The following SLC16A4 variants were observed in gnomAD, a reference collection of about 807,000 sequenced individuals.
The protein encoded by SLC16A4 is probable monocarboxylate transporter 5.
Under a neutral mutation model 47.9 loss-of-function variants are expected in SLC16A4, and 39 were observed. The observed-to-expected ratio is 0.81, with a 90% CI of 0.63 to 1.06. The LOEUF (loss-of-function observed/expected upper bound fraction) is 1.06. Ranked by LOEUF, SLC16A4 falls within the 50% of genes least tolerant of loss-of-function variation. The probability of loss-of-function intolerance (pLI) is 0.00; values close to 1 mark genes in which losing one functional copy is unlikely to be tolerated. For synonymous variants in SLC16A4, 189 were observed against 199.9 expected, an observed-to-expected ratio of 0.95 and a Z score of 0.46; for missense variants, 524 against 573.8, an observed-to-expected ratio of 0.91 and a Z score of 0.89.
chr1:110,371,240 G>T (rs1367089597), intron 8 of SLC16A4: 5 of 152,188 alleles, frequency 3.3e-5, no homozygotes, highest in Non-Finnish European at 7.3e-5. Flanking sequence ...TTAAATAAAT[G>T]ATTATATATG....
At chr1:110,369,808 G>A (rs1661592785) in intron 8 of SLC16A4, among the ~76,000 whole-genome samples, 1 of 152,116 alleles carries the variant, frequency 6.6e-6, no homozygotes, top group Admixed American at 6.6e-5. Flanking sequence ...TGGCAATCTT[G>A]TTCTTTTACT....
chr1:110,386,749 C>T (rs1662756814), intron 2 of SLC16A4, among the ~76,000 whole-genome samples: 1 of 152,158 alleles, frequency 6.6e-6, no homozygotes, highest in African/African-American at 2.4e-5. Context: ...CTAGTATCAC[C>T]CTAGCTCCTC....
chr1:110,362,969 C>A lies in SLC16A4; in HGVS notation c.*797G>T, dbSNP rs1273883066. 6.6e-6 allele frequency: 1 copy of A among 151,994 alleles called. No homozygotes were observed. The highest frequency in any genetic ancestry group is 2.4e-5 in the African/African-American group (1 of 41,384). The allele number at this position is 151,994 out of a possible 1,614,324, so 9.4% of individuals were successfully genotyped here. A position where few individuals can be genotyped will look rare whatever the true frequency, so the allele number is the denominator to read the frequency against. ...CCTTTAATTAAGAACCTAAGTAATA[C>A]AAAGAAAGTAAGGATTACCTTTAAT... On this transcript the variant is annotated 3_prime_UTR_variant, in exon 9 of 9. Transcript: ENST00000369779.
At position 110,379,057 on chromosome 1, in the gene SLC16A4, C is replaced by T; in HGVS notation, c.826G>A (p.Asp276Asn). 6.2e-7 allele frequency: 1 copy of T among 1,614,216 alleles called. No individual in the cohort carries two copies. Among genetic ancestry groups the T allele is most frequent in the South Asian group, 1.1e-5 (1 of 91,088 alleles). ...GAAATAACCTTATCACTTTCTTCATCACTCTTTAATAACAGTCTGTTCCTG... is the reference window on the plus strand; with the variant it reads ...GAAATAACCTTATCACTTTCTTCATTACTCTTTAATAACAGTCTGTTCCTG... ...PNRNRLLLKSDEESDKVISWS... is the reference protein window; with the variant it reads ...PNRNRLLLKSNEESDKVISWS... The change falls in exon 6 of 9, where the codon GAT (aspartate) becomes AAT (asparagine). Residue 276 changes from aspartate to asparagine, a missense_variant. Asp to Asn is a conservative substitution (Grantham distance 23, BLOSUM62 1). Transcript: ENST00000369779.
chr1:110,382,472 A>T (rs1662461429), intron 3 of SLC16A4, among the ~76,000 whole-genome samples: 1 of 151,972 alleles, frequency 6.6e-6, no homozygotes, highest in African/African-American at 2.4e-5. Context: ...AAAAAAAAAT[A>T]AATAAAATTG....
chr1:110,369,755 T>G (rs554812363), intron 8 of SLC16A4, among the ~76,000 whole-genome samples: 45 of 152,298 alleles, frequency 3.0e-4, no homozygotes, highest in Middle Eastern at 3.4e-3. Flanking sequence ...CAAAGACAAT[T>G]TTCCTCTCAT....
rs1661155836 is a variant in SLC16A4 at position 110,362,885 on chromosome 1, C to A, written c.*881G>T. The A allele has an allele frequency of 6.6e-6, 1 of 151,866 alleles. No homozygotes were observed. The highest frequency in any genetic ancestry group is 2.4e-5 in the African/African-American group (1 of 41,324). 9.4% of individuals were successfully genotyped at this position (151,866 alleles called of 1,614,324 possible). A position where few individuals can be genotyped will look rare whatever the true frequency, so the allele number is the denominator to read the frequency against. ...TTTTTATATACTTTTTATTATTTAG[C>A]AATACATGTTTATCATAGAAATTTA... On this transcript the variant is annotated 3_prime_UTR_variant, in exon 9 of 9. Transcript: ENST00000369779.
intron 8 of SLC16A4, among the ~76,000 whole-genome samples, chr1:110,374,509 T>C (rs1238623162): frequency 2.0e-5 from 3 of 152,236 alleles, no homozygotes; most frequent in African/African-American, 7.2e-5. Flanking sequence ...AATGTCATAG[T>C]AATTTGTACA....
At position 110,363,827 on chromosome 1, in the gene SLC16A4, A is replaced by G; in HGVS notation, c.1403T>C (p.Leu468Pro). ...TACAAAAAAAAAGGAAACTGAAGAG[A>G]GGAGATAGCATATGCCAGAGAAGTA... ...SFYFSGICYL[L>P]SSVSFFFVPL... Residue 468 changes from leucine (L) to proline (P), a missense_variant, in exon 9 of 9, where the codon CTC becomes CCC. Leu to Pro is a moderately conservative substitution (Grantham distance 98). Coordinates refer to ENST00000369779, the MANE Select transcript of SLC16A4 (RefSeq NM_004696.3). 6.2e-7 allele frequency: 1 copy of G among 1,612,998 alleles called. No individual in the cohort carries two copies. Among genetic ancestry groups the G allele is most frequent in the Non-Finnish European group, 8.5e-7 (1 of 1,179,582 alleles).
In SLC16A4 at chr1:110,379,188, G is replaced by A; in HGVS notation, c.695C>T (p.Thr232Ile). ...ACTGTCCTTGATGGTAGACTCTTCT[G>A]TCTCATGGCAGTGTGTTTCTGTTGC... ...AHATETHCHETEESTIKDSTT... is the reference protein window; with the variant it reads ...AHATETHCHEIEESTIKDSTT... The change falls in exon 6 of 9, where the codon ACA becomes ATA. Residue 232 changes from threonine to isoleucine, a missense_variant. Coordinates refer to ENST00000369779, the MANE Select transcript of SLC16A4 (RefSeq NM_004696.3). 1 of 1,614,184 alleles carries A rather than the reference G, an allele frequency of 6.2e-7. No individual in the cohort carries two copies. The highest frequency in any genetic ancestry group is 8.5e-7 in the Non-Finnish European group (1 of 1,180,032).
At chr1:110,384,586 G>T (rs1301956120) in intron 2 of SLC16A4, among the ~76,000 whole-genome samples, 1 of 152,168 alleles carries the variant, frequency 6.6e-6, no homozygotes, top group Non-Finnish European at 1.5e-5. Context: ...TCCCACAGGG[G>T]TCTAGAGGGG....
chr1:110,388,725 TG>T (rs1044292845), intron 2 of SLC16A4, among the ~76,000 whole-genome samples: 23 of 152,310 alleles, frequency 1.5e-4, no homozygotes, highest in African/African-American at 4.3e-4. Context: ...TCTGTTTGTT[TG>T]TTTTGAGAGA....
Position 110,389,386 on chromosome 1 carries a change from G to A in SLC16A4, c.-32-31C>T, listed in dbSNP as rs975735521. 2.0e-5 allele frequency: 25 copies of A among 1,268,630 alleles called. No individual in the cohort carries two copies. In the South Asian group the frequency reaches 3.0e-4, roughly 15 times the overall value. The allele number at this position is 1,268,630 out of a possible 1,614,324, so 78.6% of individuals were successfully genotyped here. ...ATAAATCCAAGACAGTTGATTCAGT[G>A]GACCAGAAACTAATCTAAACTTTTA... On this transcript the variant is annotated intron_variant, in intron 1 of 8. Coordinates refer to ENST00000369779, the MANE Select transcript of SLC16A4 (RefSeq NM_004696.3).
intron 2 of SLC16A4, among the ~76,000 whole-genome samples, chr1:110,384,024 C>A (rs999823944): frequency 6.6e-6 from 1 of 151,906 alleles, no homozygotes; most frequent in Non-Finnish European, 1.5e-5. Flanking sequence ...GTTCCAAGAT[C>A]AGGAAATTGA....
rs938035333 is a variant in SLC16A4, at chr1:110,363,107, C to G, written c.*659G>C. The G allele has an allele frequency of 2.0e-5, 3 of 152,128 alleles. No individual in the cohort carries two copies. Among genetic ancestry groups the G allele is most frequent in the African/African-American group, 7.2e-5 (3 of 41,428 alleles). The allele number at this position is 152,128 out of a possible 1,614,324, so 9.4% of individuals were successfully genotyped here. On this transcript the variant is annotated 3_prime_UTR_variant, in exon 9 of 9. Coordinates refer to ENST00000369779, the MANE Select transcript of SLC16A4 (RefSeq NM_004696.3). ...CAATCAATGGCTATGTTTCACACTT[C>G]TTTAAATTAAAAAATTTTCTATCTT...
intron 2 of SLC16A4, among the ~76,000 whole-genome samples, chr1:110,383,824 T>TG (rs1557913704): frequency 1.4e-5 from 2 of 146,628 alleles, no homozygotes; most frequent in African/African-American, 2.6e-5. Flanking sequence ...TTTTTTTTTT[T>TG]TTTTTTTTGG....
chr1:110,377,306 T>G, intron 6 of SLC16A4, 145 bp from the exon 7 acceptor site: 1 of 655,934 alleles, frequency 1.5e-6, no homozygotes, highest in Non-Finnish European at 2.6e-6. Context: ...ACCAGTAAGC[T>G]CTATTATATA....
chr1:110,366,101 TAC>T (rs112827792), intron 8 of SLC16A4, among the ~76,000 whole-genome samples: 11,263 of 143,494 alleles, frequency 0.078, 524 homozygotes, highest in African/African-American at 0.14. Flanking sequence ...CCTTTCATTT[TAC>T]ACACACACAC....
intron 1 of SLC16A4, 55 bp from the exon 2 acceptor site, chr1:110,389,410 T>G: frequency 9.3e-7 from 1 of 1,076,030 alleles, no homozygotes. Flanking sequence ...TCTAAACTTT[T>G]AAACTTTTTA....
Sources: gnomAD v4.1 joint callset for allele counts (sites outside exome capture counted in the v4.1 genomes callset) on GRCh38, gnomAD v4.1.1 for gene constraint, MANE v1.5 for transcripts, NCBI Gene and HGNC (gene_info 2026-07-23, HGNC 2026-07-21) for gene names.